The following TMEM144 variants were observed in gnomAD, a reference collection of about 807,000 sequenced individuals.
TMEM144 encodes transmembrane protein 144.
TMEM144 carries 39 observed loss-of-function variants against 43.6 expected under a neutral mutation model. That is an observed-to-expected ratio of 0.90 (90% CI 0.69 to 1.17). TMEM144 has a LOEUF of 1.17. Among genes scored for constraint, TMEM144 ranks in the 50% most tolerant of loss-of-function variants. The pLI is 0.00. For synonymous variants in TMEM144, 154 were observed against 133.6 expected, an observed-to-expected ratio of 1.15 and a Z score of -1.06; for missense variants, 417 against 411.9, an observed-to-expected ratio of 1.01 and a Z score of -0.11.
intron 5 of TMEM144, 44 bp downstream of exon 5, chr4:158,217,464 T>C (rs745966021): frequency 1.3e-5 from 17 of 1,347,342 alleles, no homozygotes; most frequent in Non-Finnish European, 1.7e-5. Context: ...CCTGCATCCA[T>C]ATTCTATGTA....
Position 158,235,519 on chromosome 4 carries a change from A to C in TMEM144, c.563+14A>C, listed in dbSNP as rs369056343. 6.2e-7 allele frequency: 1 copy of C among 1,607,122 alleles called. No individual in the cohort carries two copies. The highest frequency in any genetic ancestry group is 1.3e-5 in the African/African-American group (1 of 74,852). On this transcript the variant is annotated intron_variant, in intron 8 of 12. Coordinates refer to ENST00000296529, the MANE Select transcript of TMEM144 (RefSeq NM_018342.5). ...CCACCGCATAGTGTAAGGAGAGGTTACTTCTTTGCTCTATTACTCTGTTTC... is the reference window on the plus strand; with the variant it reads ...CCACCGCATAGTGTAAGGAGAGGTTCCTTCTTTGCTCTATTACTCTGTTTC...
intron 8 of TMEM144, among the ~76,000 whole-genome samples, chr4:158,236,779 G>A (rs1245987464): frequency 6.6e-6 from 1 of 151,852 alleles, no homozygotes; most frequent in East Asian, 1.9e-4. Context: ...AAGCCACCAC[G>A]CCTGGCCTGT....
At chr4:158,216,142 G>C (rs1331243131) in intron 4 of TMEM144, among the ~76,000 whole-genome samples, 1 of 152,108 alleles carries the variant, frequency 6.6e-6, no homozygotes, top group East Asian at 1.9e-4. Flanking sequence ...ATGATTGCTT[G>C]TCATATCTAA....
In TMEM144 at chr4:158,254,322, AC is replaced by A. The variant is rs202112077; in HGVS notation, c.*796del. On this transcript the variant is annotated 3_prime_UTR_variant, in exon 13 of 13. Transcript: ENST00000296529. ...AAACAACCACTCTTTTGAATGTACA[AC>A]TTTTTTTTCTGAAATACACTTTTCT... The A allele has an allele frequency of 6.6e-6, 1 of 152,138 alleles. No homozygotes were observed. Among genetic ancestry groups the A allele is most frequent in the Admixed American group, 6.6e-5 (1 of 15,258 alleles). The allele number at this position is 152,138 out of a possible 1,614,324, so 9.4% of individuals were successfully genotyped here.
Position 158,253,744 on chromosome 4 carries a change from T to A in TMEM144, c.*217T>A, listed in dbSNP as rs909414127. The A allele has an allele frequency of 8.1e-5, 43 of 533,248 alleles. No homozygotes were observed. The highest frequency in any genetic ancestry group is 7.7e-4 in the African/African-American group (40 of 52,264). 33.0% of individuals were successfully genotyped at this position (533,248 alleles called of 1,614,324 possible). On this transcript the variant is annotated 3_prime_UTR_variant, in exon 13 of 13. Coordinates refer to ENST00000296529, the MANE Select transcript of TMEM144 (RefSeq NM_018342.5). ...TGAAAATTTCTTCTGATGAACTGTT[T>A]ATGAAGGTAGTACTTTACTGGGTGA...
intron 6 of TMEM144, 149 bp from the exon 7 acceptor site, chr4:158,232,752 C>T (rs1010576947): frequency 3.5e-5 from 20 of 578,784 alleles, no homozygotes; most frequent in South Asian, 2.4e-4. Context: ...TCTGGCAAAA[C>T]GGCAGGACCA....
intron 6 of TMEM144, among the ~76,000 whole-genome samples, chr4:158,223,025 A>G (rs1734583165): frequency 6.6e-6 from 1 of 152,238 alleles, no homozygotes; most frequent in African/African-American, 2.4e-5. Context: ...TATACATAAA[A>G]TAAATTTGAT....
In TMEM144 at chr4:158,248,800, T is replaced by C. The variant is rs561507351; in HGVS notation, c.954+4451T>C. ...GTCTACAACCTACAGCTGCGAGGAA[T>C]AAAGCTGAGAGCCAAGCACCTTTTG... is the stretch of plus-strand genomic sequence containing the variant. On this transcript the variant is annotated intron_variant, in intron 12 of 12. Coordinates refer to ENST00000296529, the MANE Select transcript of TMEM144 (RefSeq NM_018342.5). Among the ~76,000 whole-genome samples the C allele has an allele frequency of 7.9e-5, 12 of 152,332 alleles. No homozygotes were observed. The South Asian group carries it at 2.3e-3, about 29-fold the overall frequency.
chr4:158,240,525 T>G, intron 10 of TMEM144, 107 bp downstream of exon 10: 1 of 1,237,496 alleles, frequency 8.1e-7, no homozygotes, highest in Non-Finnish European at 1.1e-6. Context: ...TGTGTGTATA[T>G]GTGGTGTGTG....
chr4:158,237,426 T>C, intron 8 of TMEM144, 99 bp from the exon 9 acceptor site: 1 of 914,368 alleles, frequency 1.1e-6, no homozygotes, highest in Non-Finnish European at 1.7e-6. Flanking sequence ...TTTGCTTGTT[T>C]GTGATTTGCC....
intron 7 of TMEM144, chr4:158,233,209 C>G (rs927371860): frequency 7.1e-5 from 28 of 392,166 alleles, no homozygotes; most frequent in Non-Finnish European, 1.2e-4. Flanking sequence ...ATTAACAGAT[C>G]TCTACTAGGT....
chr4:158,240,310 G>T lies in TMEM144; in HGVS notation c.694G>T (p.Val232Leu). ...AGASQYDLDYVFAHFSGIFLT... is the reference protein window; with the variant it reads ...AGASQYDLDYLFAHFSGIFLT... ...ATGTCTATTTTCAGATTTAGACTATGTGTTTGCGCACTTCAGTGGCATCTT... is the reference window on the plus strand; with the variant it reads ...ATGTCTATTTTCAGATTTAGACTATTTGTTTGCGCACTTCAGTGGCATCTT... Residue 232 changes from valine to leucine, a missense_variant, in exon 10 of 13, where the codon GTG becomes TTG. Physicochemically the swap from Val to Leu is conservative, Grantham distance 32. Transcript: ENST00000296529. The T allele has an allele frequency of 1.9e-6, 3 of 1,612,288 alleles. No homozygotes were observed. The highest frequency in any genetic ancestry group is 2.5e-6 in the Non-Finnish European group (3 of 1,179,446).
Position 158,241,489 on chromosome 4 carries a change from G to A in TMEM144, c.803-20G>A, listed in dbSNP as rs762557746. ...GGAGGGGAACATGGTCTGCAAATGT[G>A]TGTTGTCTTTGTATTTCAGGATTCC... On this transcript the variant is annotated intron_variant, in intron 10 of 12. Transcript: ENST00000296529. 2.5e-6 allele frequency: 4 copies of A among 1,597,948 alleles called. No individual in the cohort carries two copies. Among genetic ancestry groups the A allele is most frequent in the Admixed American group, 1.7e-5 (1 of 59,928 alleles).
Position 158,237,420 on chromosome 4 carries a change from CTTGT to C in TMEM144, c.564-100_564-97del, listed in dbSNP as rs1437984045. The C allele has an allele frequency of 1.3e-5, 11 of 848,434 alleles. No homozygotes were observed. The African/African-American group carries it at 1.9e-4, about 15-fold the overall frequency. 52.6% of individuals were successfully genotyped at this position (848,434 alleles called of 1,614,324 possible). A position where few individuals can be genotyped will look rare whatever the true frequency, so the allele number is the denominator to read the frequency against. Reference sequence around the variant, plus strand: ...GCTTGAGATAAATGGATGGTTTTTGCTTGTTTGTGATTTGCCTTTTGAAGCATGT... The same window carrying C: ...GCTTGAGATAAATGGATGGTTTTTGCTTGTGATTTGCCTTTTGAAGCATGT... On this transcript the variant is annotated intron_variant, in intron 8 of 12. Coordinates refer to ENST00000296529, the MANE Select transcript of TMEM144 (RefSeq NM_018342.5).
At chr4:158,235,674 T>C in intron 8 of TMEM144, 169 bp downstream of exon 8, 1 of 529,790 alleles carries the variant, frequency 1.9e-6, no homozygotes, top group Non-Finnish European at 3.2e-6. Context: ...GAATTTTAGG[T>C]ACAGATGCCC....
At chr4:158,251,258 T>C (rs1736187041) in intron 12 of TMEM144, among the ~76,000 whole-genome samples, 1 of 152,192 alleles carries the variant, frequency 6.6e-6, no homozygotes, top group Non-Finnish European at 1.5e-5. Flanking sequence ...CCGCCTTGGA[T>C]TCAGACTCTC....
intron 10 of TMEM144, among the ~76,000 whole-genome samples, chr4:158,240,978 A>C (rs1735606148): frequency 6.6e-6 from 1 of 152,242 alleles, no homozygotes. Flanking sequence ...TTTTAAAGGC[A>C]AAAATAAAGC....
intron 6 of TMEM144, among the ~76,000 whole-genome samples, chr4:158,222,732 C>G (rs1734567372): frequency 6.6e-6 from 1 of 152,210 alleles, no homozygotes; most frequent in African/African-American, 2.4e-5. Context: ...ATAATTGATG[C>G]TTAGTAAATG....
intron 12 of TMEM144, among the ~76,000 whole-genome samples, chr4:158,245,676 C>T (rs1347593015): frequency 3.3e-5 from 5 of 151,856 alleles, no homozygotes; most frequent in East Asian, 2.0e-4. Context: ...GTGGCTCACA[C>T]CTGTAATCCC....
Sources: allele counts gnomAD v4.1 joint callset (sites outside exome capture counted in the v4.1 genomes callset), GRCh38; gene constraint gnomAD v4.1.1; transcripts MANE v1.5; gene names NCBI Gene and HGNC (gene_info 2026-07-23, HGNC 2026-07-21).